The following PCDH7 variants were observed in gnomAD, a reference collection of about 807,000 sequenced individuals.
PCDH7 encodes the protein protocadherin 7, also known as protocadherin-7.
A neutral mutation model predicts 58.9 loss-of-function variants in PCDH7; 17 were observed. The observed-to-expected ratio is 0.29, with a 90% confidence interval of 0.20 to 0.43. The LOEUF (loss-of-function observed/expected upper bound fraction) is 0.43. PCDH7 is among the 20% of genes least tolerant of loss of function. The pLI, the probability that PCDH7 is intolerant of heterozygous loss-of-function variation, is 1.00. For synonymous variants in PCDH7, 664 were observed against 616.4 expected (o/e 1.08, Z -1.14); for missense variants, 1,274 against 1,441.0 (o/e 0.88, Z 1.88).
At chr4:30,996,969 C>T (rs563743614) in intron 3 of PCDH7, among the ~76,000 whole-genome samples, 1 of 152,128 alleles carries the variant, frequency 6.6e-6, no homozygotes, top group Non-Finnish European at 1.5e-5. Flanking sequence ...CCTATTTACT[C>T]TGTTTATTGG....
chr4:30,953,116 T>C (rs764684579), intron 3 of PCDH7, among the ~76,000 whole-genome samples: 1 of 152,100 alleles, frequency 6.6e-6, no homozygotes, highest in Admixed American at 6.6e-5. Flanking sequence ...CTTAACACCA[T>C]TTATAAGACT....
intron 1 of PCDH7, among the ~76,000 whole-genome samples, chr4:30,759,493 A>G (rs1719755769): frequency 6.6e-6 from 1 of 152,298 alleles, no homozygotes; most frequent in South Asian, 2.1e-4. Flanking sequence ...ACTTTATTCC[A>G]ATCTGTGCTC....
intron 3 of PCDH7, among the ~76,000 whole-genome samples, chr4:30,965,111 A>G (rs1446019465): frequency 6.6e-6 from 1 of 152,212 alleles, no homozygotes; most frequent in Admixed American, 6.5e-5. Context: ...GTTGGTTTAT[A>G]TTCTAATACG....
intron 3 of PCDH7, among the ~76,000 whole-genome samples, chr4:31,037,485 C>A (rs1755514692): frequency 6.6e-6 from 1 of 152,184 alleles, no homozygotes. Flanking sequence ...ATTTGCAAGT[C>A]TAGCCATGTT....
intron 1 of PCDH7, among the ~76,000 whole-genome samples, chr4:30,747,633 CACTGTGGTT>C (rs1717947507): frequency 6.6e-6 from 1 of 152,232 alleles, no homozygotes; most frequent in Non-Finnish European, 1.5e-5. Context: ...CATTTAAGGA[CACTGTGGTT>C]ACATTGGGTC....
intron 1 of PCDH7, among the ~76,000 whole-genome samples, chr4:30,786,967 A>G (rs531387650): frequency 6.6e-6 from 1 of 152,212 alleles, no homozygotes; most frequent in South Asian, 2.1e-4. Context: ...TCTCTGCAAA[A>G]AGGAATCAAA....
intron 3 of PCDH7, among the ~76,000 whole-genome samples, chr4:30,968,340 C>CACACACTATATA (rs1560541376): frequency 2.4e-5 from 2 of 83,478 alleles, no homozygotes; most frequent in African/African-American, 1.2e-4. Flanking sequence ...TATACACACA[C>CACACACTATATA]TATATATATA....
At chr4:30,911,007 A>G (rs1741670429) in intron 1 of PCDH7, among the ~76,000 whole-genome samples, 1 of 152,194 alleles carries the variant, frequency 6.6e-6, no homozygotes, top group African/African-American at 2.4e-5. Flanking sequence ...TGTTGTTTGC[A>G]TGGACATGGA....
chr4:31,061,232 A>G (rs1757668239), intron 3 of PCDH7, among the ~76,000 whole-genome samples: 1 of 151,626 alleles, frequency 6.6e-6, no homozygotes, highest in Non-Finnish European at 1.5e-5. Flanking sequence ...TGTTCCCTGG[A>G]TTGAATATTT....
In PCDH7 at chr4:30,953,725, C is replaced by G. The variant is rs190380823; in HGVS notation, c.*7+3510C>G. ...TAGCATTTGAAGAAAGATTTTCAGT[C>G]TTTACTTTTTACTTTGTAATTTAAT... On this transcript the variant is annotated intron_variant, in intron 3 of 3. Transcript: ENST00000509759. Among the ~76,000 whole-genome samples, 240 of 152,136 alleles carry G rather than the reference C, an allele frequency of 1.6e-3. 1 individual carries two copies. Among genetic ancestry groups the G allele is most frequent in the Non-Finnish European group, 3.0e-3 (207 of 67,920 alleles).
intron 1 of PCDH7, among the ~76,000 whole-genome samples, chr4:30,840,752 C>T (rs1373882323): frequency 6.6e-6 from 1 of 152,090 alleles, no homozygotes; most frequent in Admixed American, 6.6e-5. Context: ...AAAGTCATTA[C>T]AAAAGCCTCC....
At chr4:30,788,683 T>C (rs1324015994) in intron 1 of PCDH7, among the ~76,000 whole-genome samples, 1 of 152,134 alleles carries the variant, frequency 6.6e-6, no homozygotes. Context: ...GAAAAGAGTT[T>C]ATCTTAGACA....
rs1250300930 is a variant in PCDH7 at position 30,964,242 on chromosome 4, A to ATTTT, written c.*7+14030_*7+14031insTTTT. Among the ~76,000 whole-genome samples the ATTTT allele has an allele frequency of 3.3e-4, 16 of 48,410 alleles. No individual in the cohort carries two copies. The East Asian group carries it at 5.4e-3, about 16-fold the overall frequency. 31.8% of individuals were successfully genotyped at this position (48,410 alleles called of 152,430 possible). On this transcript the variant is annotated intron_variant, in intron 3 of 3. Coordinates refer to the PCDH7 transcript ENST00000509759. Reference sequence around the variant, plus strand: ...AGTAGTTTTATTTATTTATTTATTTATTTATTTATTTTTTTTTGAGATGAA... The same window carrying ATTTT: ...AGTAGTTTTATTTATTTATTTATTTATTTTTTTATTTATTTTTTTTTGAGATGAA...
chr4:30,929,689 A>G lies in PCDH7; in HGVS notation c.287+9320A>G, dbSNP rs574899240. 2.6e-5 allele frequency among the ~76,000 whole-genome samples: 4 copies of G among 152,292 alleles called. No individual in the cohort carries two copies. The South Asian group carries it at 8.3e-4, about 32-fold the overall frequency. On this transcript the variant is annotated intron_variant, in intron 2 of 3. Coordinates refer to the PCDH7 transcript ENST00000509759. ...AAAATCTTCTTCATTTCTGCTTGAAAATATATCTCCCATGGTTTTATTTCT... is the reference window on the plus strand; with the variant it reads ...AAAATCTTCTTCATTTCTGCTTGAAGATATATCTCCCATGGTTTTATTTCT...
chr4:31,055,792 G>T (rs1757117406), intron 3 of PCDH7, among the ~76,000 whole-genome samples: 1 of 151,912 alleles, frequency 6.6e-6, no homozygotes, highest in Non-Finnish European at 1.5e-5. Context: ...AGCCAGGCTG[G>T]CCTTGAACTC....
rs142033710 is a variant in PCDH7 at position 30,870,384 on chromosome 4, C to A, written c.71-49769C>A. 1.1e-4 allele frequency among the ~76,000 whole-genome samples: 17 copies of A among 151,952 alleles called. No homozygotes were observed. The East Asian group carries it at 3.3e-3, about 30-fold the overall frequency. On this transcript the variant is annotated intron_variant, in intron 1 of 3. Coordinates refer to the PCDH7 transcript ENST00000509759. ...CATGCCTATGTCCTGAATGGTATTGCCTAGGTTTTCTTCCAGGGATTTTAT... is the reference window on the plus strand; with the variant it reads ...CATGCCTATGTCCTGAATGGTATTGACTAGGTTTTCTTCCAGGGATTTTAT...
rs187355067 is a variant in PCDH7, at chr4:30,738,932, G to C, written c.70+14336G>C. ...GGAAACTGCCAGGCATGTAACCAAG[G>C]CTGGTACCACGCTCTGAGTGACTCT... is the stretch of plus-strand genomic sequence containing the variant. On this transcript the variant is annotated intron_variant, in intron 1 of 3. Coordinates refer to the PCDH7 transcript ENST00000509759. Among the ~76,000 whole-genome samples, 243 of 151,952 alleles carry C rather than the reference G, an allele frequency of 1.6e-3. 1 individual carries two copies. Among genetic ancestry groups the C allele is most frequent in the Non-Finnish European group, 2.7e-3 (186 of 67,980 alleles).
At chr4:30,968,889 A>G (rs889430271) in intron 3 of PCDH7, among the ~76,000 whole-genome samples, 15 of 152,026 alleles carry the variant, frequency 9.9e-5, no homozygotes, top group African/African-American at 3.4e-4. Flanking sequence ...CCCTGTTACA[A>G]TTTTTCTGTC....
At chr4:30,887,473 A>G (rs1205279314) in intron 1 of PCDH7, among the ~76,000 whole-genome samples, 1 of 152,182 alleles carries the variant, frequency 6.6e-6, no homozygotes, top group East Asian at 1.9e-4. Context: ...CTATAATACA[A>G]TGGACCACAT....
Sources: gnomAD v4.1 joint callset for allele counts (sites outside exome capture counted in the v4.1 genomes callset) on GRCh38, gnomAD v4.1.1 for gene constraint, MANE v1.5 for transcripts, NCBI Gene and HGNC (gene_info 2026-07-23, HGNC 2026-07-21) for gene names.